Variants in ADGRE3 observed in about 807,000 individuals in gnomAD.
ADGRE3 encodes EGF-like module receptor 3.
Under a neutral mutation model 80.1 loss-of-function variants are expected in ADGRE3, and 88 were observed. The ratio of observed to expected loss-of-function variants is 1.10; its 90% CI spans 0.93 to 1.31. The LOEUF is 1.31. ADGRE3 is among the 40% of genes most tolerant of loss of function. The probability of loss-of-function intolerance (pLI) is 0.00; values close to 1 mark genes in which losing one functional copy is unlikely to be tolerated. For missense variants in ADGRE3, 715 were observed against 776.5 expected, an observed-to-expected ratio of 0.92 and a Z score of 0.94; for synonymous variants, 281 against 294.8, an observed-to-expected ratio of 0.95 and a Z score of 0.48.
chr19:14,617,393 T>TCTTTCTTTCTTTCTTC (rs1360808243), downstream of ADGRE3, among the ~76,000 whole-genome samples: 1 of 141,724 alleles, frequency 7.1e-6, no homozygotes, highest in Non-Finnish European at 1.5e-5. Flanking sequence ...TTTCTTTCTT[T>TCTTTCTTTCTTTCTTC]CTTTCTTTTC....
Position 14,651,253 on chromosome 19 carries a change from A to G in ADGRE3, c.578-49T>C, listed in dbSNP as rs1009690931. On this transcript the variant is annotated intron_variant, in intron 6 of 15. Transcript: ENST00000253673. ...GCTTAGTGATATTGTAAGAAACTTT[A>G]AAAATATGCATAGGAACAGGACATG... The G allele has an allele frequency of 6.2e-6, 10 of 1,605,966 alleles. No homozygotes were observed. The African/African-American group carries it at 1.2e-4, about 19-fold the overall frequency.
intron 5 of ADGRE3, among the ~76,000 whole-genome samples, chr19:14,655,536 A>G (rs374777122): frequency 7.6e-4 from 115 of 151,964 alleles, no homozygotes; most frequent in African/African-American, 2.7e-3. Flanking sequence ...GCTCACTGCA[A>G]CCTCCAGCTC....
At chr19:14,653,268 C>T (rs530406928) in intron 6 of ADGRE3, among the ~76,000 whole-genome samples, 11 of 152,182 alleles carry the variant, frequency 7.2e-5, no homozygotes, top group African/African-American at 2.6e-4. Context: ...TGAGCCACCT[C>T]ATCCTGCCCA....
intron 5 of ADGRE3, 78 bp from the exon 6 acceptor site, chr19:14,655,243 A>C (rs1373511597): frequency 1.1e-5 from 15 of 1,309,638 alleles, no homozygotes. Flanking sequence ...AGTAGAAAGC[A>C]TGAGAAAGCA....
At chr19:14,607,313 T>TC in the ADGRE3 span, among the ~76,000 whole-genome samples, 65 of 151,396 alleles carry the variant, frequency 4.3e-4, no homozygotes, top group Non-Finnish European at 8.4e-4. Flanking sequence ...CAAGGTATTC[T>TC]CTGCCTCAGC....
chr19:14,666,465 C>T (rs938781393), intron 2 of ADGRE3, among the ~76,000 whole-genome samples: 4 of 151,812 alleles, frequency 2.6e-5, no homozygotes, highest in African/African-American at 9.7e-5. Flanking sequence ...CAGCCTCCAC[C>T]TCCTGGGTTC....
chr19:14,633,220 G>A lies in ADGRE3; in HGVS notation c.1551+16C>T, dbSNP rs732722. On this transcript the variant is annotated intron_variant, in intron 12 of 15. Transcript: ENST00000253673. ...TGGTTCTTCCTAGTTTGGGAACATC[G>A]AAGGCACATACTCACAGAGAAAATG... is the stretch of plus-strand genomic sequence containing the variant. 0.32 allele frequency: 509,331 copies of A among 1,602,132 alleles called. 85,476 individuals carry two copies. The highest frequency in any genetic ancestry group is 0.35 in the Non-Finnish European group (408,570 of 1,170,286).
intron 7 of ADGRE3, among the ~76,000 whole-genome samples, chr19:14,648,710 T>A (rs1044154394): frequency 2.0e-5 from 3 of 152,140 alleles, no homozygotes; most frequent in South Asian, 2.1e-4. Context: ...GTGGGCCTTA[T>A]CCAATCAGTT....
At chr19:14,620,466 A>ATT (rs754241900) in intron 15 of ADGRE3, among the ~76,000 whole-genome samples, 1 of 31,032 alleles carries the variant, frequency 3.2e-5, no homozygotes, top group Non-Finnish European at 6.2e-5. Flanking sequence ...GAATATATGA[A>ATT]TATATTATGA....
At chr19:14,601,240 C>T in the ADGRE3 span, among the ~76,000 whole-genome samples, 1 of 152,082 alleles carries the variant, frequency 6.6e-6, no homozygotes, top group Non-Finnish European at 1.5e-5. Flanking sequence ...CAGACAGTCT[C>T]CATAGTCCAA....
rs1240106654 is a variant in ADGRE3, at chr19:14,625,543, A to G, written c.1869T>C (p.Ser623=). Residue 623 remains serine (S), a synonymous_variant, in exon 15 of 16, where the codon TCT becomes TCC. Coordinates refer to ENST00000253673, the MANE Select transcript of ADGRE3 (RefSeq NM_032571.5). ...TCTTGCTGGAAAGTGTGTATGTCTC[A>G]GACTCAGATTTTGATTTTACGATCT... ...FREIVKSKSE[S]ETYTLSSKMG... The G allele has an allele frequency of 1.2e-6, 2 of 1,613,916 alleles. No homozygotes were observed. The highest frequency in any genetic ancestry group is 2.7e-5 in the African/African-American group (2 of 74,926).
intron 1 of ADGRE3, among the ~76,000 whole-genome samples, chr19:14,674,267 C>T (rs528566649): frequency 3.9e-5 from 6 of 151,906 alleles, no homozygotes; most frequent in African/African-American, 7.3e-5. Context: ...CAGGCTGAGG[C>T]GGGTGGATCA....
chr19:14,641,659 T>C, intron 9 of ADGRE3, 43 bp from the exon 10 acceptor site: 1 of 1,599,956 alleles, frequency 6.3e-7, no homozygotes, highest in Non-Finnish European at 8.5e-7. Flanking sequence ...TTTCCTGCAC[T>C]GGGATTATGG....
At chr19:14,610,133 C>T in the ADGRE3 span, 1 of 1,608,216 alleles carries the variant, frequency 6.2e-7, no homozygotes. Flanking sequence ...AAGGTGGCAC[C>T]TGGAATGATC....
At chr19:14,627,250 G>C (rs1316860161) in intron 14 of ADGRE3, among the ~76,000 whole-genome samples, 1 of 152,016 alleles carries the variant, frequency 6.6e-6, no homozygotes, top group Non-Finnish European at 1.5e-5. Context: ...GAACACAATT[G>C]CTCCTGGTAA....
At chr19:14,650,885 A>G (rs1200149643) in intron 7 of ADGRE3, among the ~76,000 whole-genome samples, 200 bp downstream of exon 7, 1 of 151,986 alleles carries the variant, frequency 6.6e-6, no homozygotes, top group South Asian at 2.1e-4. Flanking sequence ...CCCAAATTGC[A>G]AAGTCCCTCC....
chr19:14,672,682 T>C (rs1014373569), intron 1 of ADGRE3, among the ~76,000 whole-genome samples: 1 of 152,154 alleles, frequency 6.6e-6, no homozygotes, highest in Non-Finnish European at 1.5e-5. Flanking sequence ...CAATCACAGC[T>C]CATTGTAACC....
chr19:14,639,373 T>A lies in ADGRE3; in HGVS notation c.1249-1033A>T, dbSNP rs1971185587. Among the ~76,000 whole-genome samples, 3 of 152,116 alleles carry A rather than the reference T, an allele frequency of 2.0e-5. No homozygotes were observed. In the East Asian group the frequency reaches 5.8e-4, roughly 29 times the overall value. Reference sequence around the variant, plus strand: ...TAAAAATAAAATTTAGAAAAAAGTTTCACTTTAGCATAAGAGATTATTATT... The same window carrying A: ...TAAAAATAAAATTTAGAAAAAAGTTACACTTTAGCATAAGAGATTATTATT... On this transcript the variant is annotated intron_variant, in intron 10 of 15. Transcript: ENST00000253673.
At chr19:14,610,464 C>T in the ADGRE3 span, 3 of 464,608 alleles carry the variant, frequency 6.5e-6, no homozygotes, top group South Asian at 7.0e-5. Context: ...TTGAAAGGAT[C>T]TTCACTAAGT....
Sources: gnomAD v4.1 joint callset for allele counts (sites outside exome capture counted in the v4.1 genomes callset) on GRCh38, gnomAD v4.1.1 for gene constraint, MANE v1.5 for transcripts, NCBI Gene and HGNC (gene_info 2026-07-23, HGNC 2026-07-21) for gene names.